Variants in CNTLN observed in about 807,000 individuals in gnomAD.
CNTLN encodes centlein.
CNTLN carries 212 observed loss-of-function variants against 180.0 expected under a neutral mutation model. The ratio of observed to expected loss-of-function variants is 1.18; its 90% CI spans 1.05 to 1.32. The LOEUF (loss-of-function observed/expected upper bound fraction) is 1.32, where lower values mean the gene tolerates loss of function less well. CNTLN is among the 40% of genes most tolerant of loss of function. CNTLN has a pLI of 0.00. For missense variants in CNTLN, 2,095 were observed against 1,610.9 expected, an observed-to-expected ratio of 1.30 and a Z score of -5.14; for synonymous variants, 722 against 563.1, an observed-to-expected ratio of 1.28 and a Z score of -3.99.
intron 18 of CNTLN, among the ~76,000 whole-genome samples, chr9:17,451,083 A>G (rs958755230): frequency 6.6e-6 from 1 of 152,140 alleles, no homozygotes; most frequent in Non-Finnish European, 1.5e-5. Context: ...CCTGGACAGC[A>G]TGCAGAATTT....
intron 2 of CNTLN, among the ~76,000 whole-genome samples, chr9:17,191,058 A>G (rs775456412): frequency 2.6e-5 from 4 of 152,186 alleles, no homozygotes; most frequent in African/African-American, 4.8e-5. Flanking sequence ...TGGATTAAAT[A>G]TTTATGTCCT....
At chr9:17,335,427 G>A (rs1461581787) in intron 10 of CNTLN, among the ~76,000 whole-genome samples, 1 of 152,162 alleles carries the variant, frequency 6.6e-6, no homozygotes, top group African/African-American at 2.4e-5. Context: ...TGAGGCAGGA[G>A]AATTGCTTGA....
chr9:17,210,731 T>A (rs1823242530), intron 2 of CNTLN, among the ~76,000 whole-genome samples: 1 of 152,232 alleles, frequency 6.6e-6, no homozygotes, highest in Admixed American at 6.5e-5. Flanking sequence ...TTCCTGACTT[T>A]TTAATGATTG....
Position 17,236,452 on chromosome 9 carries a change from T to TA in CNTLN, c.714dup (p.Val239SerfsTer18). 6.2e-7 allele frequency: 1 copy of TA among 1,613,648 alleles called. No individual in the cohort carries two copies. The highest frequency in any genetic ancestry group is 2.2e-5 in the East Asian group (1 of 44,858). On this transcript the variant is annotated frameshift_variant, in exon 5 of 26. Transcript: ENST00000380647. LOFTEE classifies it high-confidence loss of function. ...CAGAACAAAGAAGAGCAAAACAGACTAGTTATAAAAAATCTGGAGGAGGAA... is the reference window on the plus strand; with the variant it reads ...CAGAACAAAGAAGAGCAAAACAGACTAAGTTATAAAAAATCTGGAGGAGGAA...
Position 17,490,146 on chromosome 9 carries a change from C to T in CNTLN, c.4119+3080C>T, listed in dbSNP as rs747346857. ...AATTATAAAAGCTTTTGAGCAGGGT[C>T]GGGATGTAATCAGAGTTGTGCTTTA... is the stretch of plus-strand genomic sequence containing the variant. On this transcript the variant is annotated intron_variant, in intron 25 of 25. Coordinates refer to ENST00000380647, the MANE Select transcript of CNTLN (RefSeq NM_017738.4). Among the ~76,000 whole-genome samples, 29 of 152,052 alleles carry T rather than the reference C, an allele frequency of 1.9e-4. 1 individual carries two copies. Among genetic ancestry groups the T allele is most frequent in the South Asian group, 4.2e-4 (2 of 4,808 alleles).
chr9:17,226,043 C>T (rs993571387), intron 2 of CNTLN, among the ~76,000 whole-genome samples, 160 bp from the exon 3 acceptor site: 1 of 149,064 alleles, frequency 6.7e-6, no homozygotes, highest in Admixed American at 6.6e-5. Context: ...ATGAAGTTGT[C>T]TTAGTTTTCA....
chr9:17,468,169 T>G (rs1813291), intron 23 of CNTLN, among the ~76,000 whole-genome samples: 1,569 of 151,774 alleles, frequency 0.01, 23 homozygotes, highest in African/African-American at 0.035. Context: ...TGTTCTCACT[T>G]ATAAGTGGAA....
At chr9:17,139,139 G>A (rs1817915273) in intron 1 of CNTLN, among the ~76,000 whole-genome samples, 1 of 151,846 alleles carries the variant, frequency 6.6e-6, no homozygotes, top group South Asian at 2.1e-4. Flanking sequence ...CCAGGCTGGG[G>A]TGCAGTGGTG....
In CNTLN at chr9:17,484,396, C is replaced by T. The variant is rs1175786232; in HGVS notation, c.3957C>T (p.Thr1319=). 6.2e-7 allele frequency: 1 copy of T among 1,612,544 alleles called. No individual in the cohort carries two copies. Among genetic ancestry groups the T allele is most frequent in the African/African-American group, 1.3e-5 (1 of 74,722 alleles). The change falls in exon 24 of 26, where the codon ACC becomes ACT. Residue 1319 remains threonine (T), a synonymous_variant. Transcript: ENST00000380647. ...ACAGGGACGCCTGTAAAACCTCAACCCATAAAGCCCAGACCTTGGCAGCTT... is the reference window on the plus strand; with the variant it reads ...ACAGGGACGCCTGTAAAACCTCAACTCATAAAGCCCAGACCTTGGCAGCTT... ...KKNRDACKTS[T]HKAQTLAASI...
At chr9:17,161,940 T>C (rs1259120457) in intron 2 of CNTLN, among the ~76,000 whole-genome samples, 1 of 152,162 alleles carries the variant, frequency 6.6e-6, no homozygotes, top group African/African-American at 2.4e-5. Context: ...CTTTTTTGTG[T>C]TACTTTCTGT....
At chr9:17,455,977 A>C (rs1332639556) in intron 18 of CNTLN, among the ~76,000 whole-genome samples, 1 of 152,158 alleles carries the variant, frequency 6.6e-6, no homozygotes, top group Non-Finnish European at 1.5e-5. Context: ...TGGTCAGTGT[A>C]GTTTTAGGAA....
At chr9:17,474,928 C>T (rs559471473) in intron 23 of CNTLN, among the ~76,000 whole-genome samples, 2 of 151,778 alleles carry the variant, frequency 1.3e-5, no homozygotes, top group South Asian at 2.1e-4. Context: ...TGGCATGACT[C>T]CTTATTACTC....
intron 5 of CNTLN, among the ~76,000 whole-genome samples, chr9:17,270,920 C>G (rs922045483): frequency 1.4e-5 from 2 of 148,006 alleles, no homozygotes; most frequent in South Asian, 2.2e-4. Flanking sequence ...GTATTAATAT[C>G]AAGGGCATTT....
intron 18 of CNTLN, among the ~76,000 whole-genome samples, chr9:17,430,300 A>G (rs1829341095): frequency 1.3e-5 from 2 of 151,900 alleles, no homozygotes; most frequent in African/African-American, 4.8e-5. Context: ...ACTCTTTTCA[A>G]TTGTCACCCA....
intron 2 of CNTLN, among the ~76,000 whole-genome samples, chr9:17,186,009 C>G (rs1055736037): frequency 6.6e-6 from 1 of 152,080 alleles, no homozygotes; most frequent in African/African-American, 2.4e-5. Flanking sequence ...TCAGGTTGGT[C>G]TTGAACTCTT....
At position 17,135,055 on chromosome 9, in the gene CNTLN, C is replaced by T; in HGVS notation, c.-11C>T. 5 of 1,590,572 alleles carry T rather than the reference C, an allele frequency of 3.1e-6. No homozygotes were observed. Among genetic ancestry groups the T allele is most frequent in the Non-Finnish European group, 4.3e-6 (5 of 1,173,890 alleles). On this transcript the variant is annotated 5_prime_UTR_variant, in exon 1 of 26. Transcript: ENST00000380647. ...TCCAACAGGGAACTTGACCCGTTAG[C>T]AGCCGCAGCCATGGCGGCGCGTTCG...
At chr9:17,478,581 G>A (rs1304567165) in intron 23 of CNTLN, among the ~76,000 whole-genome samples, 3 of 151,224 alleles carry the variant, frequency 2.0e-5, no homozygotes, top group East Asian at 1.9e-4. Context: ...CTGGACTCCC[G>A]ACTCCTGGAC....
At chr9:17,155,327 G>C (rs1819197153) in intron 2 of CNTLN, among the ~76,000 whole-genome samples, 3 of 152,326 alleles carry the variant, frequency 2.0e-5, no homozygotes, top group Non-Finnish European at 2.9e-5. Flanking sequence ...CATTTGAGGA[G>C]GCAGACTGAC....
intron 12 of CNTLN, among the ~76,000 whole-genome samples, chr9:17,347,618 G>A (rs1408622350): frequency 9.4e-5 from 14 of 149,398 alleles, no homozygotes; most frequent in African/African-American, 3.4e-4. Flanking sequence ...GCAGTGAACC[G>A]AGATCATGCC....
Sources: allele counts gnomAD v4.1 joint callset (sites outside exome capture counted in the v4.1 genomes callset), GRCh38; gene constraint gnomAD v4.1.1; transcripts MANE v1.5; gene names NCBI Gene and HGNC (gene_info 2026-07-23, HGNC 2026-07-21).